The following DAB1 variants were observed in gnomAD, a reference collection of about 807,000 sequenced individuals.
The protein encoded by DAB1 is DAB adaptor protein 1.
Under a neutral mutation model 64.6 loss-of-function variants are expected in DAB1, and 15 were observed. The observed-to-expected ratio is 0.23, with a 90% confidence interval of 0.16 to 0.36. The LOEUF (loss-of-function observed/expected upper bound fraction) is 0.36. Among genes scored for constraint, DAB1 ranks in the 10% least tolerant of loss-of-function variants. DAB1 has a pLI of 1.00. For missense variants in DAB1, 596 were observed against 706.7 expected, an observed-to-expected ratio of 0.84 and a Z score of 1.78; for synonymous variants, 235 against 251.9, an observed-to-expected ratio of 0.93 and a Z score of 0.64.
At chr1:57,900,571 C>T (rs1443561164) in intron 5 of DAB1, among the ~76,000 whole-genome samples, 1 of 152,192 alleles carries the variant, frequency 6.6e-6, no homozygotes, top group Admixed American at 6.5e-5. Context: ...TCTAAGGACA[C>T]ACTGGTTTCT....
At chr1:57,499,707 A>G (rs1359368185) in intron 7 of DAB1, among the ~76,000 whole-genome samples, 1 of 152,236 alleles carries the variant, frequency 6.6e-6, no homozygotes, top group Non-Finnish European at 1.5e-5. Flanking sequence ...CTTAAGGGCA[A>G]TGTATTGAAT....
intron 7 of DAB1, chr1:57,649,517 A>G (rs886465983): frequency 4.6e-5 from 7 of 152,132 alleles, no homozygotes; most frequent in Non-Finnish European, 1.0e-4. Flanking sequence ...GAACCCAGAG[A>G]TATTTGTGGG....
At chr1:57,870,135 G>A (rs961767303) in intron 1 of DAB1, among the ~76,000 whole-genome samples, 2 of 152,108 alleles carry the variant, frequency 1.3e-5, no homozygotes, top group Non-Finnish European at 2.9e-5. Context: ...TTTGATATGA[G>A]GATGAAATAT....
chr1:57,887,476 A>G (rs1180137386), upstream of DAB1, among the ~76,000 whole-genome samples: 1 of 152,248 alleles, frequency 6.6e-6, no homozygotes, highest in Non-Finnish European at 1.5e-5. Flanking sequence ...TCAATCTGCC[A>G]GTCAACGCAT....
chr1:57,356,751 T>C (rs1400487875), intron 1 of DAB1, among the ~76,000 whole-genome samples: 2 of 152,026 alleles, frequency 1.3e-5, no homozygotes, highest in East Asian at 3.9e-4. Context: ...AAGCCATGTG[T>C]CCTTACTTCT....
intron 5 of DAB1, among the ~76,000 whole-genome samples, chr1:58,023,568 G>C (rs901812090): frequency 3.3e-5 from 5 of 152,270 alleles, no homozygotes; most frequent in Admixed American, 3.3e-4. Context: ...ACTATGGTTT[G>C]TCTCTGCAAG....
intron 7 of DAB1, among the ~76,000 whole-genome samples, chr1:57,594,885 T>C (rs1645488336): frequency 6.6e-6 from 1 of 151,950 alleles, no homozygotes. Context: ...TAATTTTTTG[T>C]ATTTGTAGTA....
intron 3 of DAB1, among the ~76,000 whole-genome samples, chr1:58,401,579 G>A (rs1246048947): frequency 6.6e-6 from 1 of 152,132 alleles, no homozygotes; most frequent in African/African-American, 2.4e-5. Flanking sequence ...TTTTTCTCCA[G>A]CAGAATGTAA....
intron 5 of DAB1, among the ~76,000 whole-genome samples, chr1:58,147,373 C>T (rs775490554): frequency 1.1e-4 from 16 of 144,914 alleles, no homozygotes; most frequent in African/African-American, 4.1e-4. Flanking sequence ...AATCCCAGCA[C>T]TTCGGGAGGC....
chr1:58,178,206 C>A (rs75770680), intron 4 of DAB1, among the ~76,000 whole-genome samples: 1,528 of 152,280 alleles, frequency 0.01, 24 homozygotes, highest in African/African-American at 0.035. Flanking sequence ...ACCATTTGGA[C>A]ATATTTGCCT....
intron 2 of DAB1, among the ~76,000 whole-genome samples, chr1:57,235,707 T>TAAAA (rs146853725): frequency 5.6e-4 from 83 of 148,078 alleles, no homozygotes; most frequent in African/African-American, 1.6e-3. Context: ...TTCAAAACTT[T>TAAAA]AAAAAAGAAA....
chr1:57,649,502 C>T (rs138619301), intron 7 of DAB1: 215 of 152,232 alleles, frequency 1.4e-3, no homozygotes, highest in African/African-American at 4.9e-3. Context: ...GCTACCACTT[C>T]GAGAGAACCC....
chr1:57,279,984 C>T (rs1388281160), intron 2 of DAB1, among the ~76,000 whole-genome samples: 2 of 152,174 alleles, frequency 1.3e-5, no homozygotes, highest in African/African-American at 4.8e-5. Flanking sequence ...TCTTTCAGTG[C>T]AAGCACAACT....
rs1570790136 is a variant in DAB1, at chr1:57,746,233, G to C, written n.552-96568C>G. 3.9e-5 allele frequency among the ~76,000 whole-genome samples: 6 copies of C among 152,230 alleles called. 2 individuals are homozygous for C. Among genetic ancestry groups the C allele is most frequent in the Admixed American group, 3.9e-4 (6 of 15,298 alleles). ...TAAATAGGTATATATCTGTATGTGTGTATTTTCAGAATTACTAGGTCATAG... is the reference window on the plus strand; with the variant it reads ...TAAATAGGTATATATCTGTATGTGTCTATTTTCAGAATTACTAGGTCATAG... On this transcript the variant is annotated intron_variant and non_coding_transcript_variant, in intron 6 of 20. Transcript: ENST00000485760.
chr1:57,229,294 A>C (rs1317836549), intron 2 of DAB1, among the ~76,000 whole-genome samples: 1 of 151,550 alleles, frequency 6.6e-6, no homozygotes, highest in Non-Finnish European at 1.5e-5. Context: ...CCCAGGGCTC[A>C]AGCTATCCTC....
intron 4 of DAB1, among the ~76,000 whole-genome samples, chr1:57,093,489 T>C (rs192037422): frequency 6.6e-6 from 1 of 152,010 alleles, no homozygotes; most frequent in East Asian, 1.9e-4. Context: ...CCTTAGTTTC[T>C]TCATCTAAAA....
intron 4 of DAB1, among the ~76,000 whole-genome samples, chr1:57,109,802 C>T (rs542679395): frequency 5.9e-5 from 9 of 152,198 alleles, no homozygotes; most frequent in East Asian, 1.9e-4. Flanking sequence ...AAATATTTGT[C>T]GAATGATTGC....
At chr1:57,221,286 T>C (rs565022912) in intron 2 of DAB1, among the ~76,000 whole-genome samples, 1 of 152,080 alleles carries the variant, frequency 6.6e-6, no homozygotes, top group African/African-American at 2.4e-5. Flanking sequence ...TTAGGAGATA[T>C]ACCTAATGTA....
chr1:57,114,812 G>A (rs993227642), intron 4 of DAB1, among the ~76,000 whole-genome samples: 4 of 152,224 alleles, frequency 2.6e-5, no homozygotes, highest in Middle Eastern at 3.4e-3. Flanking sequence ...GAGTTGAAGC[G>A]GCAAGACCTG....
Sources: gnomAD v4.1 joint callset for allele counts (sites outside exome capture counted in the v4.1 genomes callset) on GRCh38, gnomAD v4.1.1 for gene constraint, MANE v1.5 for transcripts, NCBI Gene and HGNC (gene_info 2026-07-23, HGNC 2026-07-21) for gene names.